The following NCAM1 variants were observed in gnomAD, a reference collection of about 807,000 sequenced individuals.
NCAM1 encodes neural cell adhesion molecule 1, also known as antigen recognized by monoclonal antibody 5.1H11.
In NCAM1, 14 loss-of-function variants were observed where a neutral mutation model predicts 109.8. The ratio of observed to expected loss-of-function variants is 0.13; its 90% CI spans 0.08 to 0.20. The LOEUF is 0.20. Ranked by LOEUF, NCAM1 falls within the 10% of genes least tolerant of loss-of-function variation. The pLI, the probability that NCAM1 is intolerant of heterozygous loss-of-function variation, is 1.00. For synonymous variants in NCAM1, 418 were observed against 442.9 expected, an observed-to-expected ratio of 0.94 and a Z score of 0.70; for missense variants, 774 against 1,109.9, an observed-to-expected ratio of 0.70 and a Z score of 4.30.
intron 1 of NCAM1, among the ~76,000 whole-genome samples, chr11:113,017,858 A>G (rs1416508861): frequency 6.6e-6 from 1 of 152,222 alleles, no homozygotes; most frequent in Non-Finnish European, 1.5e-5. Flanking sequence ...TTGAATAGAA[A>G]GTGATCTTGG....
rs148213391 is a variant in NCAM1 at position 113,196,202 on chromosome 11, C to G, written c.53-6177C>G. Among the ~76,000 whole-genome samples, 456 of 152,246 alleles carry G rather than the reference C, an allele frequency of 3.0e-3. 5 individuals are homozygous for G. The highest frequency in any genetic ancestry group is 0.01 in the African/African-American group (435 of 41,532). On this transcript the variant is annotated intron_variant, in intron 1 of 19. Transcript: ENST00000316851. The stretch of plus-strand genomic sequence containing the variant: ...GTTCTTAATCACAACTGTCTCCTCC[C>G]TATTTAATTCTTGTGACAATCCAAT...
intron 1 of NCAM1, among the ~76,000 whole-genome samples, chr11:112,993,655 A>AT (rs1171861998): frequency 6.6e-6 from 1 of 152,208 alleles, no homozygotes; most frequent in Non-Finnish European, 1.5e-5. Flanking sequence ...TGTCAATAAC[A>AT]TCTACATTTT....
intron 1 of NCAM1, among the ~76,000 whole-genome samples, chr11:113,021,461 T>C (rs1370582763): frequency 3.3e-5 from 5 of 152,224 alleles, no homozygotes; most frequent in African/African-American, 1.2e-4. Flanking sequence ...GTTTAAGTCA[T>C]ATAGTAGTTG....
chr11:113,233,127 CAT>C lies in NCAM1; in HGVS notation c.1523-17_1523-16del. 6.2e-7 allele frequency: 1 copy of C among 1,608,598 alleles called. No individual in the cohort carries two copies. Among genetic ancestry groups the C allele is most frequent in the South Asian group, 1.1e-5 (1 of 89,944 alleles). On this transcript the variant is annotated intron_variant, in intron 12 of 19. Transcript: ENST00000316851. The surrounding 1 kb of genome is among the most constrained non-coding windows in gnomAD (Gnocchi z 4.5). Reference sequence around the variant, plus strand: ...GCCAAACTGGGCTCACCTGAGTCTCCATATGTGTCTTCCCCACAGACACCCCC... The same window carrying C: ...GCCAAACTGGGCTCACCTGAGTCTCCATGTGTCTTCCCCACAGACACCCCC...
At chr11:113,009,622 G>A (rs1278731280) in intron 1 of NCAM1, among the ~76,000 whole-genome samples, 2 of 152,058 alleles carry the variant, frequency 1.3e-5, no homozygotes, top group East Asian at 1.9e-4. Flanking sequence ...CCATGCAACC[G>A]AATGTGATTT....
intron 17 of NCAM1, chr11:113,269,885 C>G (rs879995454): frequency 1.6e-5 from 7 of 449,534 alleles, no homozygotes; most frequent in African/African-American, 7.9e-5. Context: ...GCCTCATTAT[C>G]CGGTGTTCTC....
At chr11:113,023,912 C>CAA (rs201627711) in intron 1 of NCAM1, among the ~76,000 whole-genome samples, 37 of 137,716 alleles carry the variant, frequency 2.7e-4, no homozygotes, top group African/African-American at 9.4e-4. Flanking sequence ...GTCTGATCTG[C>CAA]AAAAAAAAAA....
intron 1 of NCAM1, among the ~76,000 whole-genome samples, chr11:113,092,929 T>G (rs1939419384): frequency 6.6e-6 from 1 of 152,222 alleles, no homozygotes; most frequent in African/African-American, 2.4e-5. Flanking sequence ...CATTAAATGC[T>G]GAATATGAAA....
rs546368985 is a variant in NCAM1 at position 113,167,637 on chromosome 11, T to C, written c.53-34742T>C. Among the ~76,000 whole-genome samples, 163 of 151,110 alleles carry C rather than the reference T, an allele frequency of 1.1e-3. 1 individual carries two copies. In the Middle Eastern group the frequency reaches 0.024, roughly 22 times the overall value. ...TGCATGTGGGCCTGTTGGGGTTGAG[T>C]TAGTGGTGTGCAGAAGTCTGCAGAA... is the stretch of plus-strand genomic sequence containing the variant. On this transcript the variant is annotated intron_variant, in intron 1 of 19. Coordinates refer to ENST00000316851, the MANE Select transcript of NCAM1 (RefSeq NM_181351.5).
At chr11:113,269,888 G>C in intron 17 of NCAM1, 1 of 457,600 alleles carries the variant, frequency 2.2e-6, no homozygotes. Context: ...TCATTATCCG[G>C]TGTTCTCAGA....
intron 1 of NCAM1, among the ~76,000 whole-genome samples, chr11:113,056,025 A>AT (rs1953700347): frequency 5.7e-5 from 7 of 122,152 alleles, no homozygotes; most frequent in Non-Finnish European, 1.0e-4. Context: ...ATATATATAT[A>AT]AAATATATAT....
At chr11:113,270,095 G>A in intron 17 of NCAM1, 93 bp from the exon 18 acceptor site, 1 of 1,221,838 alleles carries the variant, frequency 8.2e-7, no homozygotes, top group Non-Finnish European at 1.2e-6. Flanking sequence ...TCTGTCCTCT[G>A]GGCCCTCCCC....
chr11:113,232,840 G>C, intron 12 of NCAM1, 26 bp downstream of exon 12: 2 of 1,582,566 alleles, frequency 1.3e-6, no homozygotes, highest in Non-Finnish European at 1.7e-6. Flanking sequence ...TCACCTGAGA[G>C]CAGCTGCCAC....
chr11:113,159,287 A>T (rs1468293842), intron 1 of NCAM1, among the ~76,000 whole-genome samples: 2 of 152,178 alleles, frequency 1.3e-5, no homozygotes, highest in Non-Finnish European at 2.9e-5. Context: ...TCTGTGTTTC[A>T]TATATTTAAA....
chr11:112,999,398 A>G (rs1185571926), intron 1 of NCAM1, among the ~76,000 whole-genome samples: 1 of 152,164 alleles, frequency 6.6e-6, no homozygotes, highest in Non-Finnish European at 1.5e-5. Flanking sequence ...AAGATGGTTC[A>G]TGTTTTCTGG....
chr11:113,047,881 C>A (rs578171403), intron 1 of NCAM1, among the ~76,000 whole-genome samples: 1 of 152,266 alleles, frequency 6.6e-6, no homozygotes, highest in East Asian at 1.9e-4. Context: ...AATTACCCCC[C>A]ACTGAGTCCC....
intron 1 of NCAM1, among the ~76,000 whole-genome samples, chr11:113,178,005 A>G (rs2136541274): frequency 6.6e-6 from 1 of 152,218 alleles, no homozygotes; most frequent in South Asian, 2.1e-4. Context: ...AAGTAACTAA[A>G]TAAATGGATA....
chr11:113,083,820 C>T (rs548901960), intron 1 of NCAM1, among the ~76,000 whole-genome samples: 1 of 152,214 alleles, frequency 6.6e-6, no homozygotes, highest in East Asian at 1.9e-4. Flanking sequence ...TTGAGTGCAG[C>T]AATGAATTTC....
chr11:113,027,323 A>C (rs1352466182), intron 1 of NCAM1, among the ~76,000 whole-genome samples: 1 of 152,260 alleles, frequency 6.6e-6, no homozygotes, highest in Non-Finnish European at 1.5e-5. Flanking sequence ...AAAAGGTAAC[A>C]GAACATAACC....
Sources: gnomAD v4.1 joint callset for allele counts (sites outside exome capture counted in the v4.1 genomes callset) on GRCh38, gnomAD v4.1.1 for gene constraint, Gnocchi (gnomAD v3.1) non-coding constraint, MANE v1.5 for transcripts, NCBI Gene and HGNC (gene_info 2026-07-23, HGNC 2026-07-21) for gene names.